The following ILKAP variants were observed in gnomAD, a reference collection of about 807,000 sequenced individuals.
ILKAP encodes integrin-linked kinase-associated serine/threonine phosphatase 2C.
ILKAP carries 11 observed loss-of-function variants against 49.1 expected under a neutral mutation model. That is an observed-to-expected ratio of 0.22 (90% CI 0.14 to 0.37). The LOEUF (loss-of-function observed/expected upper bound fraction) is 0.37. Ranked by LOEUF, ILKAP falls within the 10% of genes least tolerant of loss-of-function variation. The pLI, the probability that ILKAP is intolerant of heterozygous loss-of-function variation, is 1.00. For missense variants in ILKAP, 363 were observed against 510.8 expected, an observed-to-expected ratio of 0.71 and a Z score of 2.79; for synonymous variants, 186 against 192.8, an observed-to-expected ratio of 0.96 and a Z score of 0.29.
At chr2:238,191,729 G>A (rs1007084418) in intron 3 of ILKAP, among the ~76,000 whole-genome samples, 11 of 152,036 alleles carry the variant, frequency 7.2e-5, no homozygotes, top group Middle Eastern at 3.4e-3. Flanking sequence ...CCAACATGGC[G>A]AAACCCGGTC....
At chr2:238,188,012 G>T in intron 5 of ILKAP, 119 bp downstream of exon 5, 1 of 1,147,204 alleles carries the variant, frequency 8.7e-7, no homozygotes. Flanking sequence ...GAGAATCACT[G>T]ATGTACAATC....
At chr2:238,171,640 A>G (rs181509693) in intron 10 of ILKAP, among the ~76,000 whole-genome samples, 57 of 152,334 alleles carry the variant, frequency 3.7e-4, no homozygotes, top group Admixed American at 3.6e-3. Flanking sequence ...CTCCAGAAAA[A>G]TCACTGAATA....
In ILKAP at chr2:238,184,075, G is replaced by A. The variant is rs781077349; in HGVS notation, c.571C>T (p.Leu191Phe). The A allele has an allele frequency of 6.2e-7, 1 of 1,611,214 alleles. No individual in the cohort carries two copies. The highest frequency in any genetic ancestry group is 8.5e-7 in the Non-Finnish European group (1 of 1,177,368). The change falls in exon 7 of 12, where the codon CTT becomes TTT. Residue 191 changes from leucine to phenylalanine, a missense_variant. Transcript: ENST00000254654. ...TCAGTATGCTTGAAAGTGTCCAAAA[G>A]GCATCTCTTCACGGTTTTCTCTACA... ...ISVEKTVKRCLLDTFKHTDEE... is the reference protein window; with the variant it reads ...ISVEKTVKRCFLDTFKHTDEE...
chr2:238,191,115 C>G (rs528013245), intron 3 of ILKAP, among the ~76,000 whole-genome samples: 2 of 151,650 alleles, frequency 1.3e-5, no homozygotes, highest in Non-Finnish European at 2.9e-5. Flanking sequence ...CCACTACACC[C>G]GGCTAATTTT....
chr2:238,194,180 C>T, intron 3 of ILKAP, 95 bp downstream of exon 3: 3 of 1,086,780 alleles, frequency 2.8e-6, no homozygotes, highest in South Asian at 2.7e-5. Context: ...TTAATGTCAT[C>T]CAAAATCCCG....
chr2:238,182,968 T>C (rs572629924), intron 8 of ILKAP, among the ~76,000 whole-genome samples: 1 of 152,180 alleles, frequency 6.6e-6, no homozygotes, highest in South Asian at 2.1e-4. Flanking sequence ...AGATGCTGCT[T>C]AAGTGTGGAC....
intron 9 of ILKAP, among the ~76,000 whole-genome samples, chr2:238,175,585 G>T (rs1693415152): frequency 6.6e-6 from 1 of 152,144 alleles, no homozygotes; most frequent in Non-Finnish European, 1.5e-5. Flanking sequence ...ATACCTGTCA[G>T]TTCAACAAAG....
rs1693855044 is a variant in ILKAP at position 238,185,226 on chromosome 2, C to CA, written c.486dup (p.Ala163CysfsTer15). 6.2e-7 allele frequency: 1 copy of CA among 1,613,626 alleles called. No individual in the cohort carries two copies. The highest frequency in any genetic ancestry group is 8.5e-7 in the Non-Finnish European group (1 of 1,179,706). Reference sequence around the variant, plus strand: ...AAGTTTTGATGCAAATTCTGTGCAGCAAATTTTGAGGCTCGAATTCCTCCA... The same window carrying CA: ...AAGTTTTGATGCAAATTCTGTGCAGCAAAATTTTGAGGCTCGAATTCCTCCA... On this transcript the variant is annotated frameshift_variant, in exon 6 of 12. Coordinates refer to ENST00000254654, the MANE Select transcript of ILKAP (RefSeq NM_030768.3). LOFTEE classifies it high-confidence loss of function.
intron 7 of ILKAP, 32 bp downstream of exon 7, chr2:238,183,988 C>A (rs1693800576): frequency 7.7e-7 from 1 of 1,299,388 alleles, no homozygotes; most frequent in South Asian, 1.2e-5. Context: ...CACACACAGT[C>A]CACTCAAACT....
At chr2:238,181,624 G>A (rs1160262612) in intron 9 of ILKAP, among the ~76,000 whole-genome samples, 1 of 138,570 alleles carries the variant, frequency 7.2e-6, no homozygotes, top group Non-Finnish European at 1.6e-5. Context: ...TTTTTTTTTT[G>A]GTTTTTTTTT....
chr2:238,175,913 G>A (rs1284768994), intron 9 of ILKAP, among the ~76,000 whole-genome samples: 3 of 151,624 alleles, frequency 2.0e-5, no homozygotes, highest in Admixed American at 1.3e-4. Flanking sequence ...GCCTCCAAGT[G>A]GCTGGGACTA....
chr2:238,184,378 CAG>C (rs1263611995), intron 6 of ILKAP, among the ~76,000 whole-genome samples: 7 of 152,068 alleles, frequency 4.6e-5, no homozygotes, highest in African/African-American at 1.7e-4. Context: ...TTAGTAGAGA[CAG>C]GGTTTCACCA....
rs138646197 is a variant in ILKAP at position 238,201,408 on chromosome 2, A to G, written c.55+2091T>C. ...GTTTTAAAGCTATTTTTAAAAATAC[A>G]CTCAGCCAAGCAGGACCTGTTGACA... On this transcript the variant is annotated intron_variant, in intron 1 of 11. Transcript: ENST00000254654. Among the ~76,000 whole-genome samples the G allele has an allele frequency of 4.6e-5, 7 of 152,270 alleles. No individual in the cohort carries two copies. In the East Asian group the frequency reaches 1.4e-3, roughly 29 times the overall value.
At position 238,189,952 on chromosome 2, in the gene ILKAP, A is replaced by G; in HGVS notation, c.199T>C (p.Ser67Pro). ...GDSGSLATSI[S>P]QMVKTEGKGA... The stretch of plus-strand genomic sequence containing the variant: ...TTCCCTTCAGTCTTTACCATCTGGG[A>G]TATTGATGTGGCAAGAGAACCTGGA... Residue 67 changes from serine to proline, a missense_variant, in exon 4 of 12, where the codon TCC becomes CCC. Around this residue, in one of 3 missense-constraint regions of ILKAP, gnomAD observed 114 missense variants for 116.0 expected, o/e 0.98. Transcript: ENST00000254654. 1 of 1,613,876 alleles carries G rather than the reference A, an allele frequency of 6.2e-7. No homozygotes were observed.
At chr2:238,201,022 GAAC>G (rs1368987003) in intron 1 of ILKAP, among the ~76,000 whole-genome samples, 3 of 152,198 alleles carry the variant, frequency 2.0e-5, no homozygotes, top group Non-Finnish European at 2.9e-5. Context: ...TACACTTTCT[GAAC>G]AACTTTTCTT....
intron 9 of ILKAP, 62 bp from the exon 10 acceptor site, chr2:238,173,715 G>A (rs1693328361): frequency 6.5e-7 from 1 of 1,544,368 alleles, no homozygotes; most frequent in Non-Finnish European, 8.9e-7. Flanking sequence ...ACAGTACTTA[G>A]AATCTCACCT....
At chr2:238,200,441 T>C (rs1694521566) in intron 1 of ILKAP, among the ~76,000 whole-genome samples, 1 of 152,260 alleles carries the variant, frequency 6.6e-6, no homozygotes, top group Admixed American at 6.5e-5. Context: ...TTTGATGTGA[T>C]ATAAGCAGTG....
At chr2:238,180,719 T>C (rs757705148) in intron 9 of ILKAP, among the ~76,000 whole-genome samples, 2 of 152,202 alleles carry the variant, frequency 1.3e-5, no homozygotes, top group Non-Finnish European at 2.9e-5. Context: ...TGTCAAATGA[T>C]TTCTCTAAGG....
chr2:238,186,124 A>G (rs936361364), intron 5 of ILKAP: 4 of 152,266 alleles, frequency 2.6e-5, no homozygotes, highest in Non-Finnish European at 4.4e-5. Context: ...ATGCATTGTT[A>G]GGTGACTTTG....
Sources: gnomAD v4.1 joint callset for allele counts (sites outside exome capture counted in the v4.1 genomes callset) on GRCh38, gnomAD v4.1.1 for gene constraint, gnomAD v4.1.1 regional missense constraint, MANE v1.5 for transcripts, NCBI Gene and HGNC (gene_info 2026-07-23, HGNC 2026-07-21) for gene names.